The following CADM2 variants were observed in gnomAD, a reference collection of about 807,000 sequenced individuals.
CADM2 encodes immunoglobulin superfamily member 4D.
CADM2 carries 12 observed loss-of-function variants against 49.8 expected under a neutral mutation model. The ratio of observed to expected loss-of-function variants is 0.24; its 90% CI spans 0.15 to 0.39. CADM2 has a LOEUF of 0.39. Among genes scored for constraint, CADM2 ranks in the 10% least tolerant of loss-of-function variants. The probability of loss-of-function intolerance (pLI) is 1.00; values close to 1 mark genes in which losing one functional copy is unlikely to be tolerated. For synonymous variants in CADM2, 214 were observed against 175.4 expected, an observed-to-expected ratio of 1.22 and a Z score of -1.74; for missense variants, 378 against 492.3, an observed-to-expected ratio of 0.77 and a Z score of 2.20.
At chr3:85,190,397 A>G (rs1033181737) in intron 1 of CADM2, among the ~76,000 whole-genome samples, 1 of 151,884 alleles carries the variant, frequency 6.6e-6, no homozygotes, top group African/African-American at 2.4e-5. Context: ...TTATAACCAC[A>G]CTTTCTCATT....
chr3:85,961,409 A>ATCAATTT, intron 7 of CADM2, 60 bp from the exon 8 acceptor site: 1 of 1,360,926 alleles, frequency 7.3e-7, no homozygotes, highest in Non-Finnish European at 1.0e-6. Context: ...GATTTACTAA[A>ATCAATTT]TTTACACATA....
chr3:85,320,156 G>C lies in CADM2; in HGVS notation c.61+360488G>C, dbSNP rs375657780. Among the ~76,000 whole-genome samples the C allele has an allele frequency of 3.9e-5, 6 of 152,164 alleles. No homozygotes were observed. In the East Asian group the frequency reaches 7.7e-4, roughly 20 times the overall value. ...TTTATTGTCATAATTGAGGACCAGG[G>C]TGCTACTGGCATTTAGTGGTTGGAG... On this transcript the variant is annotated intron_variant, in intron 1 of 9. Transcript: ENST00000383699.
At chr3:85,724,724 C>A (rs1394223886) in intron 1 of CADM2, among the ~76,000 whole-genome samples, 1 of 151,480 alleles carries the variant, frequency 6.6e-6, no homozygotes, top group African/African-American at 2.4e-5. Context: ...TATTTTTTAT[C>A]GTTAAGAAAT....
chr3:85,997,260 G>T (rs913064548), intron 8 of CADM2, among the ~76,000 whole-genome samples: 1 of 152,164 alleles, frequency 6.6e-6, no homozygotes, highest in African/African-American at 2.4e-5. Context: ...ATTTAAGCCT[G>T]CAGAATAAAA....
chr3:86,008,111 AC>A (rs374997769), intron 8 of CADM2, among the ~76,000 whole-genome samples: 1 of 152,144 alleles, frequency 6.6e-6, no homozygotes, highest in Non-Finnish European at 1.5e-5. Flanking sequence ...AGCTAATTTG[AC>A]ATGTGAAAAT....
intron 1 of CADM2, chr3:85,385,715 A>T (rs2107373553): frequency 6.6e-6 from 1 of 150,882 alleles, no homozygotes; most frequent in African/African-American, 2.4e-5. Context: ...TTTGAGAAAC[A>T]CTTTGCCTTT....
chr3:85,574,083 G>A (rs1357061286), intron 1 of CADM2, among the ~76,000 whole-genome samples: 2 of 152,120 alleles, frequency 1.3e-5, no homozygotes, highest in Non-Finnish European at 2.9e-5. Context: ...AGTACCCTTA[G>A]CTATGTGGGA....
intron 1 of CADM2, among the ~76,000 whole-genome samples, chr3:85,345,162 A>G (rs756524742): frequency 6.6e-6 from 1 of 151,894 alleles, no homozygotes; most frequent in Non-Finnish European, 1.5e-5. Context: ...TAAAAATACA[A>G]AAGTTAGCTG....
intron 1 of CADM2, among the ~76,000 whole-genome samples, chr3:85,111,953 T>C (rs77926355): frequency 7.8e-4 from 119 of 151,992 alleles, no homozygotes; most frequent in Middle Eastern, 3.4e-3. Context: ...AAATGAGATA[T>C]GAGGTTAAAC....
chr3:85,081,179 TAA>T (rs949920094), intron 1 of CADM2, among the ~76,000 whole-genome samples: 13 of 152,180 alleles, frequency 8.5e-5, no homozygotes, highest in African/African-American at 2.7e-4. Context: ...CATTTTATCT[TAA>T]GTTTATGTTA....
intron 1 of CADM2, among the ~76,000 whole-genome samples, chr3:85,160,090 A>G (rs960976813): frequency 3.9e-5 from 6 of 152,140 alleles, no homozygotes; most frequent in Non-Finnish European, 8.8e-5. Flanking sequence ...TGGTAGCTAA[A>G]ACGGCTTTAA....
intron 1 of CADM2, among the ~76,000 whole-genome samples, chr3:85,295,984 T>C (rs2043954151): frequency 6.6e-6 from 1 of 151,976 alleles, no homozygotes; most frequent in Admixed American, 6.6e-5. Flanking sequence ...ATATAAAAAT[T>C]TTTATTAAGC....
intron 2 of CADM2, among the ~76,000 whole-genome samples, chr3:85,792,170 T>C (rs1423633891): frequency 2.6e-5 from 4 of 152,216 alleles, no homozygotes; most frequent in Non-Finnish European, 5.9e-5. Context: ...CAAAAAAATA[T>C]TTTAAAAACA....
At chr3:85,701,976 ATAGATAGATAG>A (rs1559601851) in intron 1 of CADM2, among the ~76,000 whole-genome samples, 2,636 of 70,182 alleles carry the variant, frequency 0.038, 98 homozygotes, top group African/African-American at 0.088. Flanking sequence ...ATAGACATAG[ATAGATAGATAG>A]ATAGATAGAT....
At chr3:85,446,734 C>T (rs1179227496) in intron 1 of CADM2, among the ~76,000 whole-genome samples, 1 of 149,824 alleles carries the variant, frequency 6.7e-6, no homozygotes. Flanking sequence ...TCCTGAGTAG[C>T]TGGGATTATA....
At chr3:85,549,789 A>AATT (rs1553740569) in intron 1 of CADM2, among the ~76,000 whole-genome samples, 5 of 134,874 alleles carry the variant, frequency 3.7e-5, no homozygotes, top group African/African-American at 1.4e-4. Flanking sequence ...ATGCTGGGCT[A>AATT]TTTTTTTTTT....
intron 3 of CADM2, among the ~76,000 whole-genome samples, chr3:85,857,918 C>T (rs1001705744): frequency 6.6e-6 from 1 of 152,148 alleles, no homozygotes; most frequent in Admixed American, 6.5e-5. Flanking sequence ...AAACAAAAAT[C>T]TAATTTTAAT....
At chr3:85,996,172 G>T (rs1448620136) in intron 8 of CADM2, among the ~76,000 whole-genome samples, 2 of 150,712 alleles carry the variant, frequency 1.3e-5, no homozygotes, top group African/African-American at 2.4e-5. Context: ...AAAGCAGAGG[G>T]ATCAAAATTT....
At chr3:85,506,848 T>TA in intron 1 of CADM2, among the ~76,000 whole-genome samples, 1 of 152,308 alleles carries the variant, frequency 6.6e-6, no homozygotes, top group Non-Finnish European at 1.5e-5. Context: ...TTATTAAAAG[T>TA]AAAATTATCA....
Sources: allele counts gnomAD v4.1 joint callset (sites outside exome capture counted in the v4.1 genomes callset), GRCh38; gene constraint gnomAD v4.1.1; transcripts MANE v1.5; gene names NCBI Gene and HGNC (gene_info 2026-07-23, HGNC 2026-07-21).